Variants in TNN observed in about 807,000 individuals in gnomAD.
The protein encoded by TNN is tenascin-N.
TNN carries 122 observed loss-of-function variants against 134.4 expected under a neutral mutation model. The ratio of observed to expected loss-of-function variants is 0.91; its 90% CI spans 0.78 to 1.06. The LOEUF (loss-of-function observed/expected upper bound fraction) is 1.06. TNN is among the 50% of genes least tolerant of loss of function. The pLI is 0.00. For missense variants in TNN, 1,739 were observed against 1,699.4 expected (o/e 1.02, Z -0.41); for synonymous variants, 710 against 670.3 (o/e 1.06, Z -0.91).
intron 8 of TNN, among the ~76,000 whole-genome samples, chr1:175,098,091 C>A (rs1181407998): frequency 6.6e-6 from 1 of 152,294 alleles, no homozygotes; most frequent in South Asian, 2.1e-4. Context: ...GAGAAGACAT[C>A]GTTCCTCCAA....
intron 6 of TNN, 50 bp downstream of exon 6, chr1:175,085,544 C>T (rs368809416): frequency 7.7e-7 from 1 of 1,301,156 alleles, no homozygotes. Flanking sequence ...TTTGCATTCT[C>T]ATATTTTTCT....
intron 9 of TNN, among the ~76,000 whole-genome samples, chr1:175,102,573 C>G (rs569290442): frequency 6.8e-6 from 1 of 146,160 alleles, no homozygotes; most frequent in African/African-American, 2.5e-5. Context: ...CCGGGGCCAG[C>G]AGGGCTGGCC....
chr1:175,082,732 G>A (rs1674225330), intron 4 of TNN, among the ~76,000 whole-genome samples: 2 of 152,196 alleles, frequency 1.3e-5, no homozygotes, highest in Admixed American at 1.3e-4. Flanking sequence ...TCAGTGGTCA[G>A]TAGGCCTGGG....
At position 175,107,663 on chromosome 1, in the gene TNN, C is replaced by A. The variant is rs1215970887; in HGVS notation, c.2119+9068C>A. Among the ~76,000 whole-genome samples, 3 of 126,858 alleles carry A rather than the reference C, an allele frequency of 2.4e-5. No individual in the cohort carries two copies. In the South Asian group the frequency reaches 8.8e-4, roughly 37 times the overall value. The allele number at this position is 126,858 out of a possible 152,430, so 83.2% of individuals were successfully genotyped here. Reference sequence around the variant, plus strand: ...CCCGAGAAGGTTGCCAATGCTGGCTCGGGCAGCCTGCTTTTATTGTCTTTT... The same window carrying A: ...CCCGAGAAGGTTGCCAATGCTGGCTAGGGCAGCCTGCTTTTATTGTCTTTT... On this transcript the variant is annotated intron_variant, in intron 9 of 18. Coordinates refer to ENST00000239462, the MANE Select transcript of TNN (RefSeq NM_022093.2).
In TNN at chr1:175,123,595, A is replaced by G. The variant is rs1218935362; in HGVS notation, c.2846A>G (p.Tyr949Cys). Reference protein sequence around the residue: ...VLTGLRPGMEYMVHVWAQKGA... With the variant: ...VLTGLRPGMECMVHVWAQKGA... ...ACGGGCCTGAGACCAGGCATGGAGT[A>G]CATGGTGCACGTGTGGGCCCAGAAG... The change falls in exon 12 of 19, where the codon TAC becomes TGC. Residue 949 changes from tyrosine to cysteine, a missense_variant. Physicochemically the swap from Tyr to Cys is radical, Grantham distance 194 (BLOSUM62 -2). Transcript: ENST00000239462. 6.2e-7 allele frequency: 1 copy of G among 1,614,198 alleles called. No homozygotes were observed. Among genetic ancestry groups the G allele is most frequent in the Non-Finnish European group, 8.5e-7 (1 of 1,180,038 alleles).
chr1:175,075,566 G>A (rs1363078060), intron 1 of TNN, among the ~76,000 whole-genome samples: 1 of 152,208 alleles, frequency 6.6e-6, no homozygotes, highest in Non-Finnish European at 1.5e-5. Context: ...AAAGTGTTGG[G>A]ATTACAGATG....
chr1:175,131,791 G>A (rs1386996146), intron 15 of TNN, among the ~76,000 whole-genome samples: 1 of 152,130 alleles, frequency 6.6e-6, no homozygotes, highest in East Asian at 1.9e-4. Context: ...GTTTAGAAAA[G>A]TGAGGCTTGT....
Position 175,083,695 on chromosome 1 carries a change from C to A in TNN, c.1049-55C>A, listed in dbSNP as rs1021664205. On this transcript the variant is annotated intron_variant, in intron 4 of 18. Coordinates refer to ENST00000239462, the MANE Select transcript of TNN (RefSeq NM_022093.2). ...TGATAACCAACAGCCTGTCACAGAACCTTGGAACCTCTGCTCTTCACCACT... is the reference window on the plus strand; with the variant it reads ...TGATAACCAACAGCCTGTCACAGAAACTTGGAACCTCTGCTCTTCACCACT... 4 of 1,557,764 alleles carry A rather than the reference C, an allele frequency of 2.6e-6. No homozygotes were observed. In the African/African-American group the frequency reaches 4.1e-5, roughly 16 times the overall value.
At chr1:175,124,775 G>A (rs1413907789) in intron 12 of TNN, among the ~76,000 whole-genome samples, 1 of 152,176 alleles carries the variant, frequency 6.6e-6, no homozygotes, top group African/African-American at 2.4e-5. Context: ...GCAACCAGTA[G>A]CCAGTTCTCC....
At chr1:175,142,868 G>A (rs1675972385) in intron 17 of TNN, among the ~76,000 whole-genome samples, 1 of 152,058 alleles carries the variant, frequency 6.6e-6, no homozygotes. Context: ...TGCCTGCCTC[G>A]GCCTCTCAAA....
intron 10 of TNN, 79 bp from the exon 11 acceptor site, chr1:175,118,482 A>G (rs1675246571): frequency 1.3e-6 from 2 of 1,548,142 alleles, no homozygotes; most frequent in East Asian, 4.5e-5. Context: ...AAAGGGTTTC[A>G]CCCCACGCAA....
At position 175,093,953 on chromosome 1, in the gene TNN, T is replaced by C. The variant is rs200358753; in HGVS notation, c.1325-37T>C. The C allele has an allele frequency of 2.8e-5, 44 of 1,568,686 alleles. No individual in the cohort carries two copies. In the African/African-American group the frequency reaches 5.7e-4, roughly 20 times the overall value. On this transcript the variant is annotated intron_variant, in intron 6 of 18. Transcript: ENST00000239462. ...TCTATGATCTTGACTAACCAACTGG[T>C]TTCTCTGATTTTTCTTTCTCATGTG...
chr1:175,128,014 C>A lies in TNN; in HGVS notation c.3046-18C>A. 6.2e-7 allele frequency: 1 copy of A among 1,614,048 alleles called. No homozygotes were observed. The highest frequency in any genetic ancestry group is 1.1e-5 in the South Asian group (1 of 91,084). ...TAAACTGAGTCACTGGCTGTCTAAT[C>A]TCTCCCTTGTTTGGTAGGAGATGCA... On this transcript the variant is annotated intron_variant, in intron 13 of 18. Coordinates refer to ENST00000239462, the MANE Select transcript of TNN (RefSeq NM_022093.2).
intron 10 of TNN, among the ~76,000 whole-genome samples, chr1:175,117,625 C>A (rs1339167110): frequency 6.6e-6 from 1 of 152,098 alleles, no homozygotes; most frequent in Non-Finnish European, 1.5e-5. Flanking sequence ...TGCTTTATGA[C>A]AAATGAATCA....
chr1:175,127,255 A>C (rs1425154201), intron 13 of TNN, among the ~76,000 whole-genome samples, 170 bp downstream of exon 13: 1 of 152,228 alleles, frequency 6.6e-6, no homozygotes, highest in Non-Finnish European at 1.5e-5. Flanking sequence ...AGTCTTCCCC[A>C]ATAAATGTAA....
intron 10 of TNN, 97 bp downstream of exon 10, chr1:175,117,302 G>A: frequency 1.3e-6 from 2 of 1,576,102 alleles, no homozygotes; most frequent in Non-Finnish European, 1.7e-6. Flanking sequence ...AGAAGTCAAT[G>A]ATTAATGGAA....
chr1:175,133,544 A>G (rs1382682795), intron 15 of TNN, among the ~76,000 whole-genome samples: 1 of 152,024 alleles, frequency 6.6e-6, no homozygotes, highest in Non-Finnish European at 1.5e-5. Context: ...ATATTTTTCT[A>G]GTTTCTTTTT....
At chr1:175,123,051 TC>T (rs764486921) in intron 11 of TNN, among the ~76,000 whole-genome samples, 5 of 152,204 alleles carry the variant, frequency 3.3e-5, no homozygotes, top group Non-Finnish European at 4.4e-5. Flanking sequence ...GCTCTCAAAT[TC>T]TGTGAAACAA....
chr1:175,093,576 G>A (rs900607318), intron 6 of TNN, among the ~76,000 whole-genome samples: 26 of 152,160 alleles, frequency 1.7e-4, no homozygotes, highest in African/African-American at 5.8e-4. Context: ...TGATTTGGAA[G>A]CAATGAACAG....
Sources: gnomAD v4.1 joint callset for allele counts (sites outside exome capture counted in the v4.1 genomes callset) on GRCh38, gnomAD v4.1.1 for gene constraint, MANE v1.5 for transcripts, NCBI Gene and HGNC (gene_info 2026-07-23, HGNC 2026-07-21) for gene names.